Variants in DST observed in about 807,000 individuals in gnomAD.
The protein encoded by DST is bullous pemphigoid antigen.
A neutral mutation model predicts 875.2 loss-of-function variants in DST; 253 were observed. The ratio of observed to expected loss-of-function variants is 0.29; its 90% CI spans 0.26 to 0.32. The LOEUF is 0.32. DST is among the 10% of genes least tolerant of loss of function. The pLI, the probability that DST is intolerant of heterozygous loss-of-function variation, is 1.00. For missense variants in DST, 8,287 were observed against 9,111.6 expected, an observed-to-expected ratio of 0.91 and a Z score of 3.68; for synonymous variants, 3,124 against 3,197.1, an observed-to-expected ratio of 0.98 and a Z score of 0.77.
At chr6:56,803,008 G>C (rs1249516889) in intron 4 of DST, among the ~76,000 whole-genome samples, 1 of 152,154 alleles carries the variant, frequency 6.6e-6, no homozygotes, top group African/African-American at 2.4e-5. Flanking sequence ...CTGTAGCTGA[G>C]ATGAAAATCT....
At chr6:56,513,219 T>C (rs2096517599) in intron 72 of DST, among the ~76,000 whole-genome samples, 1 of 145,240 alleles carries the variant, frequency 6.9e-6, no homozygotes, top group Non-Finnish European at 1.5e-5. Context: ...GCTTGGCAAG[T>C]AGTGAGAGGA....
chr6:56,951,997 A>T (rs1482961303), intron 2 of DST, among the ~76,000 whole-genome samples: 1 of 152,142 alleles, frequency 6.6e-6, no homozygotes, highest in South Asian at 2.1e-4. Flanking sequence ...TCATTCAATA[A>T]ATATTTATTA....
chr6:56,729,483 G>A (rs2099487462), intron 5 of DST, among the ~76,000 whole-genome samples: 1 of 152,106 alleles, frequency 6.6e-6, no homozygotes, highest in Non-Finnish European at 1.5e-5. Flanking sequence ...CCAGCTACCT[G>A]GGAGGCTGAG....
intron 10 of DST, among the ~76,000 whole-genome samples, chr6:56,662,825 T>C (rs2152815771): frequency 6.6e-6 from 1 of 152,170 alleles, no homozygotes; most frequent in Non-Finnish European, 1.5e-5. Context: ...GGGTCATGCC[T>C]GTAGTCCCAA....
intron 2 of DST, among the ~76,000 whole-genome samples, chr6:56,912,332 A>G (rs191530705): frequency 6.6e-6 from 1 of 152,344 alleles, no homozygotes; most frequent in Admixed American, 6.5e-5. Context: ...ATTTTTATTT[A>G]AATTTTAATT....
chr6:56,732,768 A>G (rs1396332019), intron 5 of DST, among the ~76,000 whole-genome samples: 1 of 152,222 alleles, frequency 6.6e-6, no homozygotes, highest in African/African-American at 2.4e-5. Flanking sequence ...CAATAAGTTA[A>G]GAAAAGTAAA....
chr6:56,747,034 G>A (rs1350927389), intron 4 of DST, among the ~76,000 whole-genome samples: 2 of 152,176 alleles, frequency 1.3e-5, no homozygotes, highest in African/African-American at 4.8e-5. Flanking sequence ...TGGCTGCCCA[G>A]TCTGAGATAC....
intron 3 of DST, among the ~76,000 whole-genome samples, chr6:56,890,903 C>A (rs540056145): frequency 2.4e-4 from 36 of 152,264 alleles, no homozygotes; most frequent in Non-Finnish European, 4.9e-4. Flanking sequence ...CCTGAATCAC[C>A]ATAACTGATT....
chr6:56,541,959 C>G (rs2097134283), intron 61 of DST, among the ~76,000 whole-genome samples: 1 of 152,186 alleles, frequency 6.6e-6, no homozygotes, highest in Admixed American at 6.5e-5. Context: ...GTCCATTTCC[C>G]TTTTTAGTCT....
At position 56,460,146 on chromosome 6, in the gene DST, G is replaced by A; in HGVS notation, c.23179C>T (p.Arg7727Ter). 2 of 1,612,614 alleles carry A rather than the reference G, an allele frequency of 1.2e-6. No homozygotes were observed. Among genetic ancestry groups the A allele is most frequent in the Non-Finnish European group, 8.5e-7 (1 of 1,179,040 alleles). The change falls in exon 103 of 104, where the codon CGA becomes TGA. Residue 7727 changes from arginine to a stop codon, truncating the protein, a stop_gained. Transcript: ENST00000680361. LOFTEE classifies it high-confidence loss of function. ...GLITTAAARV[R>*]TQFADSKKTP... ...CCACACTCACCAGCAAACTGTGTTC[G>A]GACTCTGGCAGCTGCAGTTGTTATC...
At chr6:56,829,046 G>A (rs992084083) in intron 4 of DST, among the ~76,000 whole-genome samples, 22 of 152,030 alleles carry the variant, frequency 1.4e-4, no homozygotes, top group African/African-American at 1.7e-4. Flanking sequence ...AGAAAGAAAT[G>A]GCCAACCAGA....
intron 4 of DST, among the ~76,000 whole-genome samples, chr6:56,762,597 T>C (rs907909461): frequency 4.6e-5 from 7 of 152,226 alleles, no homozygotes; most frequent in Middle Eastern, 3.2e-3. Flanking sequence ...ATAACTCTTT[T>C]GTAGTCCCCT....
chr6:56,704,206 T>C, intron 6 of DST, 74 bp downstream of exon 6: 1 of 737,126 alleles, frequency 1.4e-6, no homozygotes, highest in Non-Finnish European at 2.2e-6. Flanking sequence ...GAATAGTCTG[T>C]ACTGAAAACA....
rs377482767 is a variant in DST, at chr6:56,606,417, T to C, written c.8211A>G (p.Glu2737=). The C allele has an allele frequency of 9.9e-6, 16 of 1,613,330 alleles. No individual in the cohort carries two copies. The African/African-American group carries it at 1.3e-4, about 13-fold the overall frequency. The part of the protein sequence containing the change: ...RECTNILEGD[E]SDSLTDYDIV... ...TATCATAATCAGTCAATGAGTCAGA[T>C]TCATCACCTTCAAGGATATTTGTGC... The change falls in exon 40 of 104, where the codon GAA becomes GAG. Residue 2737 remains glutamate (E), a synonymous_variant. Coordinates refer to ENST00000680361, the MANE Select transcript of DST (RefSeq NM_001374736.1).
At chr6:56,806,464 C>G (rs1009579993) in intron 4 of DST, among the ~76,000 whole-genome samples, 1 of 152,142 alleles carries the variant, frequency 6.6e-6, no homozygotes, top group Non-Finnish European at 1.5e-5. Context: ...AAGCTGTGGC[C>G]TAATCAATGG....
At chr6:56,615,421 TCA>T in intron 36 of DST, 3 of 1,584,202 alleles carry the variant, frequency 1.9e-6, no homozygotes, top group South Asian at 1.1e-5. Flanking sequence ...GTTACATAAT[TCA>T]CAGACTGCAT....
intron 5 of DST, among the ~76,000 whole-genome samples, chr6:56,719,514 T>C (rs142658470): frequency 1.3e-4 from 20 of 152,356 alleles, no homozygotes; most frequent in Non-Finnish European, 1.5e-4. Flanking sequence ...TACATTAGCA[T>C]AGGCTTTAAC....
In DST at chr6:56,517,583, G is replaced by A; in HGVS notation, c.18167C>T (p.Thr6056Ile). The A allele has an allele frequency of 6.2e-7, 1 of 1,613,058 alleles. No homozygotes were observed. The highest frequency in any genetic ancestry group is 8.5e-7 in the Non-Finnish European group (1 of 1,179,482). Residue 6056 changes from threonine to isoleucine, a missense_variant, in exon 70 of 104, where the codon ACT (threonine) becomes ATT (isoleucine). Physicochemically the swap from Thr to Ile is moderately conservative, Grantham distance 89. Coordinates refer to ENST00000680361, the MANE Select transcript of DST (RefSeq NM_001374736.1). ...QAADAELSWI[T>I]ETEKKLMSLG... ...AGACATCAATTTTTTTTCTGTTTCA[G>A]TAATCCAGGATAACTCAGCATCAGC...
chr6:56,638,949 C>T (rs1428439310), intron 22 of DST: 2 of 407,758 alleles, frequency 4.9e-6, no homozygotes, highest in South Asian at 2.4e-5. Context: ...TACTATGTCA[C>T]TTGTGCAATG....
Sources: gnomAD v4.1 joint callset for allele counts (sites outside exome capture counted in the v4.1 genomes callset) on GRCh38, gnomAD v4.1.1 for gene constraint, MANE v1.5 for transcripts, NCBI Gene and HGNC (gene_info 2026-07-23, HGNC 2026-07-21) for gene names.